XIRP2: variants seen among roughly 807,000 people sequenced by gnomAD.
XIRP2 encodes xin actin-binding repeat-containing protein 2.
XIRP2 carries 236 observed loss-of-function variants against 277.0 expected under a neutral mutation model. That is an observed-to-expected ratio of 0.85 (90% CI 0.77 to 0.95). The LOEUF is 0.95. Ranked by LOEUF, XIRP2 falls within the 40% of genes least tolerant of loss-of-function variation. The pLI is 0.00. For synonymous variants in XIRP2, 1,490 were observed against 1,416.5 expected (o/e 1.05, Z -1.17); for missense variants, 4,640 against 4,157.5 (o/e 1.12, Z -3.19).
intron 2 of XIRP2, among the ~76,000 whole-genome samples, chr2:166,933,324 T>C (rs1685402254): frequency 6.6e-6 from 1 of 151,838 alleles, no homozygotes; most frequent in East Asian, 2.0e-4. Flanking sequence ...AATTTTATGT[T>C]TTTTTAGTAG....
chr2:167,239,323 G>A (rs1694987685), intron 5 of XIRP2, among the ~76,000 whole-genome samples: 1 of 152,170 alleles, frequency 6.6e-6, no homozygotes, highest in Non-Finnish European at 1.5e-5. Context: ...CCCAGAATTT[G>A]TGAATACATT....
rs371099388 is a variant in XIRP2 at position 166,933,087 on chromosome 2, T to TAC, written c.408+29211_408+29212dup. 1.7e-4 allele frequency among the ~76,000 whole-genome samples: 26 copies of TAC among 149,102 alleles called. No individual in the cohort carries two copies. In the South Asian group the frequency reaches 2.3e-3, roughly 13 times the overall value. On this transcript the variant is annotated intron_variant, in intron 2 of 10. Coordinates refer to ENST00000409195, the MANE Select transcript of XIRP2 (RefSeq NM_152381.6). ...TAATCTACACACACACACACACACA[T>TAC]ACACACACACACACAAACATGCACC...
intron 3 of XIRP2, among the ~76,000 whole-genome samples, chr2:167,198,466 T>A (rs1693583930): frequency 6.6e-6 from 1 of 152,206 alleles, no homozygotes; most frequent in Non-Finnish European, 1.5e-5. Flanking sequence ...GTTGTGAAAG[T>A]ACAAATATAT....
chr2:167,077,972 T>C (rs1574230869), intron 2 of XIRP2, among the ~76,000 whole-genome samples: 1 of 152,360 alleles, frequency 6.6e-6, no homozygotes, highest in East Asian at 1.9e-4. Flanking sequence ...TTGTTTTTGA[T>C]TGCGTATGAA....
At chr2:167,068,769 AG>A in intron 2 of XIRP2, among the ~76,000 whole-genome samples, 1 of 152,282 alleles carries the variant, frequency 6.6e-6, no homozygotes, top group African/African-American at 2.4e-5. Flanking sequence ...GGTCGCATGC[AG>A]CCCAGGACAG....
chr2:167,174,043 G>A (rs113318793), intron 3 of XIRP2, among the ~76,000 whole-genome samples: 15,164 of 152,166 alleles, frequency 0.1, 811 homozygotes, highest in South Asian at 0.16. Flanking sequence ...TTTTCGTGTC[G>A]ATGTTCATCA....
At chr2:167,006,060 A>G (rs1026296191) in intron 2 of XIRP2, among the ~76,000 whole-genome samples, 2 of 151,798 alleles carry the variant, frequency 1.3e-5, no homozygotes, top group Non-Finnish European at 2.9e-5. Flanking sequence ...TCATGCGGCT[A>G]GGTACTACGT....
intron 2 of XIRP2, among the ~76,000 whole-genome samples, chr2:167,084,013 T>C (rs1366504189): frequency 1.3e-5 from 2 of 151,768 alleles, no homozygotes; most frequent in East Asian, 3.9e-4. Flanking sequence ...ATCCCTGTCT[T>C]GTGCCAGTTT....
intron 3 of XIRP2, among the ~76,000 whole-genome samples, chr2:167,163,600 G>C (rs560009643): frequency 6.6e-6 from 1 of 152,250 alleles, no homozygotes; most frequent in East Asian, 1.9e-4. Flanking sequence ...TTTCTTTCTA[G>C]TCTAAGATTT....
At chr2:166,942,799 C>A (rs983045961) in intron 2 of XIRP2, among the ~76,000 whole-genome samples, 1 of 151,726 alleles carries the variant, frequency 6.6e-6, no homozygotes, top group Non-Finnish European at 1.5e-5. Flanking sequence ...AAAATAAAAG[C>A]CTTGAAGAGA....
rs1377618508 is a variant in XIRP2 at position 167,078,607 on chromosome 2, T to C, written c.409-57302T>C. Among the ~76,000 whole-genome samples the C allele has an allele frequency of 2.0e-5, 3 of 151,852 alleles. No homozygotes were observed. In the East Asian group the frequency reaches 5.9e-4, roughly 30 times the overall value. On this transcript the variant is annotated intron_variant, in intron 2 of 10. Transcript: ENST00000409195. The stretch of plus-strand genomic sequence containing the variant: ...ATCCCAGCACTTTGGGAGGCCGAGG[T>C]GGGCAGAACACGAGGTCAGGAGATC...
intron 2 of XIRP2, among the ~76,000 whole-genome samples, chr2:167,011,278 T>G (rs1687671881): frequency 6.6e-6 from 1 of 151,686 alleles, no homozygotes; most frequent in African/African-American, 2.4e-5. Context: ...GTTTTTAGCA[T>G]GAAGGGTTGT....
intron 2 of XIRP2, among the ~76,000 whole-genome samples, chr2:167,061,117 T>C (rs944354515): frequency 3.9e-5 from 6 of 152,164 alleles, no homozygotes; most frequent in Non-Finnish European, 8.8e-5. Context: ...CTTTATATAA[T>C]AGAAGAGGCA....
In XIRP2 at chr2:167,246,413, A is replaced by G; in HGVS notation, c.5021A>G (p.Lys1674Arg). 1 of 1,613,754 alleles carries G rather than the reference A, an allele frequency of 6.2e-7. No homozygotes were observed. The highest frequency in any genetic ancestry group is 1.1e-5 in the South Asian group (1 of 91,056). ...KNLFSEERSVKKGILIQEDEK... is the reference protein window; with the variant it reads ...KNLFSEERSVRKGILIQEDEK... ...CTGTTCTCTGAGGAAAGATCTGTAA[A>G]GAAAGGCATCTTAATTCAGGAAGAT... The change falls in exon 9 of 11, where the codon AAG becomes AGG. Residue 1674 changes from lysine (K) to arginine (R), a missense_variant. By Grantham distance (26) the Lys-to-Arg change is conservative. Coordinates refer to ENST00000409195, the MANE Select transcript of XIRP2 (RefSeq NM_152381.6).
Position 167,245,962 on chromosome 2 carries a change from A to G in XIRP2, c.4570A>G (p.Thr1524Ala). 6.2e-7 allele frequency: 1 copy of G among 1,613,736 alleles called. No individual in the cohort carries two copies. Among genetic ancestry groups the G allele is most frequent in the Non-Finnish European group, 8.5e-7 (1 of 1,179,766 alleles). Residue 1524 changes from threonine (T) to alanine (A), a missense_variant, in exon 9 of 11, where the codon ACA becomes GCA. Thr to Ala is a moderately conservative substitution (Grantham distance 58). Transcript: ENST00000409195. ...KEEIPPSDVK[T>A]TTWLFETTPL... ...AGAAATCCCTCCTTCTGATGTCAAA[A>G]CAACCACATGGCTCTTTGAAACAAC... is the stretch of plus-strand genomic sequence containing the variant.
At chr2:167,088,189 G>A (rs1374709348) in intron 2 of XIRP2, among the ~76,000 whole-genome samples, 1 of 152,042 alleles carries the variant, frequency 6.6e-6, no homozygotes, top group African/African-American at 2.4e-5. Flanking sequence ...ATTTTCATCT[G>A]GGACTTGGTC....
intron 2 of XIRP2, among the ~76,000 whole-genome samples, chr2:167,046,486 A>G (rs1558960685): frequency 1.3e-5 from 2 of 152,050 alleles, no homozygotes; most frequent in Non-Finnish European, 2.9e-5. Context: ...TGCTCATCAC[A>G]GCACTATTCA....
intron 3 of XIRP2, among the ~76,000 whole-genome samples, chr2:167,183,960 G>T (rs1230689231): frequency 1.3e-5 from 2 of 152,126 alleles, no homozygotes; most frequent in Non-Finnish European, 2.9e-5. Flanking sequence ...GAATCCGTGA[G>T]ATCCTTTTCT....
chr2:167,245,002 T>C lies in XIRP2; in HGVS notation c.3610T>C (p.Phe1204Leu). 1 of 1,613,424 alleles carries C rather than the reference T, an allele frequency of 6.2e-7. No individual in the cohort carries two copies. The highest frequency in any genetic ancestry group is 8.5e-7 in the Non-Finnish European group (1 of 1,179,702). The change falls in exon 9 of 11, where the codon TTT becomes CTT. Residue 1204 changes from phenylalanine (F) to leucine (L), a missense_variant. Transcript: ENST00000409195. ...AGATGTTTCCAGCATGAGGTATAAA[T>C]TTGAAAATCAGTCCTTAGATTCTAT... ...AGDVSSMRYK[F>L]ENQSLDSISS...
Sources: allele counts gnomAD v4.1 joint callset (sites outside exome capture counted in the v4.1 genomes callset), GRCh38; gene constraint gnomAD v4.1.1; transcripts MANE v1.5; gene names NCBI Gene and HGNC (gene_info 2026-07-23, HGNC 2026-07-21).